The following PSG7 variants were observed in gnomAD, a reference collection of about 807,000 sequenced individuals.
The protein encoded by PSG7 is pregnancy specific beta-1-glycoprotein 7.
A neutral mutation model predicts 45.6 loss-of-function variants in PSG7; 57 were observed. The observed-to-expected ratio is 1.25, with a 90% CI of 1.01 to 1.56. The LOEUF is 1.56. Among genes scored for constraint, PSG7 ranks in the 40% most tolerant of loss-of-function variants. The pLI, the probability that PSG7 is intolerant of heterozygous loss-of-function variation, is 0.00. For synonymous variants in PSG7, 298 were observed against 194.4 expected (o/e 1.53, Z -4.43); for missense variants, 796 against 508.4 (o/e 1.57, Z -5.44).
chr19:42,924,331 T>C lies in PSG7; in HGVS notation c.*477A>G, dbSNP rs555003126. The C allele has an allele frequency of 4.7e-5, 18 of 386,596 alleles. No homozygotes were observed. Among genetic ancestry groups the C allele is most frequent in the South Asian group, 2.3e-4 (2 of 8,752 alleles). 23.9% of individuals were successfully genotyped at this position (386,596 alleles called of 1,614,324 possible). Reference sequence around the variant, plus strand: ...GGCAATATCTCTGTGTTCATTTCTATTGGGAGCCCTGTATGCAAGATGGAG... The same window carrying C: ...GGCAATATCTCTGTGTTCATTTCTACTGGGAGCCCTGTATGCAAGATGGAG... On this transcript the variant is annotated 3_prime_UTR_variant, in exon 6 of 6. Transcript: ENST00000406070.
rs1568461073 is a variant in PSG7, at chr19:42,935,588, A to G, written c.246T>C (p.Tyr82=). The G allele has an allele frequency of 6.2e-7, 1 of 1,611,850 alleles. No homozygotes were observed. The highest frequency in any genetic ancestry group is 1.7e-5 in the Admixed American group (1 of 59,822). ...IRDLYHYVTS[Y]IVDGQIIKYG... ...ATTTAATTATTTGACCGTCTACTAT[A>G]TATGATGTAACATAATGGTAGAGGT... The change falls in exon 2 of 6, where the codon TAT becomes TAC. Residue 82 remains tyrosine, a synonymous_variant. Transcript: ENST00000406070.
In PSG7 at chr19:42,935,430, G is replaced by A; in HGVS notation, c.404C>T (p.Thr135Ile). ...IKRGDGTGGV[T>I]GRFTFTLYLE... ...GTATAAGGTGAAGGTGAAACGTCCAGTTACTCCTCCAGTCCCATCACCTCG... is the reference window on the plus strand; with the variant it reads ...GTATAAGGTGAAGGTGAAACGTCCAATTACTCCTCCAGTCCCATCACCTCG... Residue 135 changes from threonine to isoleucine, a missense_variant, in exon 2 of 6, where the codon ACT becomes ATT. Transcript: ENST00000406070. 1 of 1,612,018 alleles carries A rather than the reference G, an allele frequency of 6.2e-7. No individual in the cohort carries two copies. The highest frequency in any genetic ancestry group is 8.5e-7 in the Non-Finnish European group (1 of 1,178,886).
chr19:42,936,261 T>A (rs2032172345), intron 1 of PSG7: 1 of 162,550 alleles, frequency 6.2e-6, no homozygotes, highest in African/African-American at 2.4e-5. Context: ...CATGACAGCA[T>A]GAGCTCCGTG....
At chr19:42,934,482 T>A (rs1232673260) in intron 2 of PSG7, among the ~76,000 whole-genome samples, 2 of 151,724 alleles carry the variant, frequency 1.3e-5, no homozygotes, top group South Asian at 2.1e-4. Context: ...TGTGCTTTCC[T>A]GTGACTCAGT....
intron 2 of PSG7, among the ~76,000 whole-genome samples, chr19:42,931,083 G>C (rs555490492): frequency 1.1e-4 from 17 of 151,532 alleles, no homozygotes; most frequent in African/African-American, 2.7e-4. Context: ...TCTGGATTTG[G>C]GATGCTCAAT....
At chr19:42,928,593 T>C (rs1318731327) in intron 3 of PSG7, among the ~76,000 whole-genome samples, 2 of 151,562 alleles carry the variant, frequency 1.3e-5, no homozygotes, top group Admixed American at 1.3e-4. Context: ...TGTTCATTGT[T>C]AGTGTATAGT....
chr19:42,925,298 A>G, intron 5 of PSG7: 1 of 319,516 alleles, frequency 3.1e-6, no homozygotes, highest in Non-Finnish European at 5.7e-6. Flanking sequence ...AAATATCTGT[A>G]TTACCATAAA....
At chr19:42,936,956 C>G (rs375124155) in intron 1 of PSG7, 57 bp downstream of exon 1, 2 of 1,599,810 alleles carry the variant, frequency 1.3e-6, no homozygotes, top group Non-Finnish European at 1.7e-6. Context: ...TCTAGGAGAC[C>G]CCATCCAGTC....
rs531747134 is a variant in PSG7 at position 42,926,314 on chromosome 19, T to A, written c.988+124A>T. 65 of 1,532,924 alleles carry A rather than the reference T, an allele frequency of 4.2e-5. 3 individuals carry two copies. In the African/African-American group the frequency reaches 5.9e-4, roughly 14 times the overall value. The allele number at this position is 1,532,924 out of a possible 1,614,324, so 95.0% of individuals were successfully genotyped here. ...GGCAGGGAGTCATGGCCAGCTCGGA[T>A]GTCCAGAAGTAAATATGTCTATACT... On this transcript the variant is annotated intron_variant, in intron 4 of 5. Coordinates refer to ENST00000406070, the MANE Select transcript of PSG7 (RefSeq NM_002783.3).
Position 42,936,953 on chromosome 19 carries a change from G to T in PSG7, c.64+60C>A, listed in dbSNP as rs139425071. ...TTTTAGAACCCCATCCTCTCTAGGAGACCCCATCCAGTCACTCTGCTTCCT... is the reference window on the plus strand; with the variant it reads ...TTTTAGAACCCCATCCTCTCTAGGATACCCCATCCAGTCACTCTGCTTCCT... On this transcript the variant is annotated intron_variant, in intron 1 of 5. Transcript: ENST00000406070. 2.0e-3 allele frequency: 3,135 copies of T among 1,596,990 alleles called. 85 individuals carry two copies. The highest frequency in any genetic ancestry group is 2.9e-3 in the Admixed American group (176 of 59,744).
rs1431635954 is a variant in PSG7 at position 42,926,019 on chromosome 19, C to T, written c.997G>A (p.Asp333Asn). Residue 333 changes from aspartate (D) to asparagine (N), a missense_variant, in exon 5 of 6, where the codon GAC becomes AAC. Coordinates refer to ENST00000406070, the MANE Select transcript of PSG7 (RefSeq NM_002783.3). Reference protein sequence around the residue: ...PVTLNVLYGPDLPRIYPSFTY... With the variant: ...PVTLNVLYGPNLPRIYPSFTY... Reference sequence around the variant, plus strand: ...AATGAAGGGTAAATTCTGGGGAGGTCTGGACCATCTGGAGGAAAGAGAATA... The same window carrying T: ...AATGAAGGGTAAATTCTGGGGAGGTTTGGACCATCTGGAGGAAAGAGAATA... 1 of 1,611,406 alleles carries T rather than the reference C, an allele frequency of 6.2e-7. No individual in the cohort carries two copies.
At chr19:42,926,812 A>T (rs1212423264) in intron 3 of PSG7, 96 bp from the exon 4 acceptor site, 1 of 1,549,672 alleles carries the variant, frequency 6.5e-7, no homozygotes, top group Non-Finnish European at 8.7e-7. Context: ...ACCTGTCAAC[A>T]CGTGTGAGTC....
At chr19:42,936,868 T>G (rs1973162760) in intron 1 of PSG7, 145 bp downstream of exon 1, 3 of 1,289,412 alleles carry the variant, frequency 2.3e-6, no homozygotes, top group Admixed American at 2.0e-5. Context: ...AGACTGATCT[T>G]GAACTCCTGA....
intron 1 of PSG7, chr19:42,936,224 A>T (rs1317575056): frequency 1.8e-5 from 3 of 169,350 alleles, no homozygotes; most frequent in Admixed American, 1.6e-4. Flanking sequence ...CACATTCTAG[A>T]TCTCTTTGCA....
chr19:42,928,622 A>G lies in PSG7; in HGVS notation c.709+820T>C, dbSNP rs116361347. Among the ~76,000 whole-genome samples the G allele has an allele frequency of 9.1e-3, 1,384 of 151,554 alleles. 53 individuals carry two copies. The highest frequency in any genetic ancestry group is 0.032 in the African/African-American group (1,322 of 41,270). On this transcript the variant is annotated intron_variant, in intron 3 of 5. Coordinates refer to ENST00000406070, the MANE Select transcript of PSG7 (RefSeq NM_002783.3). ...GTATAGTCTGAAGAATGATCTAGAA[A>G]GAGTGAAGGGTACAGGCAAAACCTG...
chr19:42,930,792 G>C (rs1488696399), intron 2 of PSG7, among the ~76,000 whole-genome samples: 3 of 151,492 alleles, frequency 2.0e-5, no homozygotes, highest in Admixed American at 6.6e-5. Context: ...CTGTTCCGTG[G>C]GTGTGTGGTT....
At position 42,929,527 on chromosome 19, in the gene PSG7, T is replaced by A; in HGVS notation, c.624A>T (p.Thr208=). 6.2e-7 allele frequency: 1 copy of A among 1,612,630 alleles called. No homozygotes were observed. The highest frequency in any genetic ancestry group is 8.5e-7 in the Non-Finnish European group (1 of 1,179,242). ...TNRTLYLFGV[T]NYTAGPYECE... ...ATTCATAGGGTCCTGCAGTATAGTT[T>A]GTGACACCAAATAGGTAGAGGGTCC... The change falls in exon 3 of 6, where the codon ACA becomes ACT. Residue 208 remains threonine (T), a synonymous_variant. Transcript: ENST00000406070.
At chr19:42,929,418 A>C (rs2074857) in intron 3 of PSG7, 24 bp downstream of exon 3, 508,646 of 1,611,120 alleles carry the variant, frequency 0.32, 90,512 homozygotes, top group South Asian at 0.46. Context: ...CAGCCTGGCT[A>C]ACAGAGGAAC....
In PSG7 at chr19:42,937,102, T is replaced by C. The variant is rs776872596; in HGVS notation, c.-26A>G. The C allele has an allele frequency of 1.9e-6, 3 of 1,606,714 alleles. No individual in the cohort carries two copies. The highest frequency in any genetic ancestry group is 4.5e-5 in the East Asian group (2 of 44,652). On this transcript the variant is annotated 5_prime_UTR_variant, in exon 1 of 6. Coordinates refer to ENST00000406070, the MANE Select transcript of PSG7 (RefSeq NM_002783.3). ...GGTCTCTGCTCCCTGCGTGTTCTCC[T>C]CTGTGGAGATGAGCCTAGGATCCAG...
Sources: gnomAD v4.1 joint callset for allele counts (sites outside exome capture counted in the v4.1 genomes callset) on GRCh38, gnomAD v4.1.1 for gene constraint, MANE v1.5 for transcripts, NCBI Gene and HGNC (gene_info 2026-07-23, HGNC 2026-07-21) for gene names.